Variants in MGA observed in about 807,000 individuals in gnomAD.
MGA encodes the protein MAX gene-associated protein.
MGA carries 40 observed loss-of-function variants against 261.1 expected under a neutral mutation model. The ratio of observed to expected loss-of-function variants is 0.15; its 90% CI spans 0.12 to 0.20. MGA has a LOEUF of 0.20. MGA is among the 10% of genes least tolerant of loss of function. MGA has a pLI of 1.00. For synonymous variants in MGA, 1,302 were observed against 1,290.6 expected, an observed-to-expected ratio of 1.01 and a Z score of -0.19; for missense variants, 3,397 against 3,630.5, an observed-to-expected ratio of 0.94 and a Z score of 1.65.
intron 1 of MGA, among the ~76,000 whole-genome samples, chr15:41,627,158 C>T (rs528708055): frequency 2.2e-4 from 34 of 152,262 alleles, no homozygotes; most frequent in African/African-American, 7.2e-4. Context: ...TCTCCTTGGC[C>T]TCCCAAACTG....
intron 2 of MGA, among the ~76,000 whole-genome samples, chr15:41,680,612 A>G (rs1292114174): frequency 2.6e-5 from 4 of 152,276 alleles, no homozygotes; most frequent in Admixed American, 2.0e-4. Context: ...AAAACACTGT[A>G]TTTAGAATTA....
chr15:41,683,820 A>G (rs1354881231), intron 2 of MGA, among the ~76,000 whole-genome samples: 4 of 152,072 alleles, frequency 2.6e-5, no homozygotes, highest in East Asian at 3.9e-4. Context: ...AGCTCAAGCA[A>G]TCTGCCCGTC....
At chr15:41,715,269 C>T (rs1269242202) in intron 9 of MGA, among the ~76,000 whole-genome samples, 1 of 151,780 alleles carries the variant, frequency 6.6e-6, no homozygotes, top group African/African-American at 2.4e-5. Context: ...TCTGCCTCAG[C>T]CTCCCAAGTA....
At chr15:41,708,388 A>C (rs568450445) in intron 7 of MGA, among the ~76,000 whole-genome samples, 180 bp downstream of exon 7, 1 of 151,584 alleles carries the variant, frequency 6.6e-6, no homozygotes, top group South Asian at 2.1e-4. Context: ...TGTGATCTTG[A>C]CTCACTGCAA....
chr15:41,640,079 G>A (rs528022559), intron 1 of MGA, among the ~76,000 whole-genome samples: 9 of 152,228 alleles, frequency 5.9e-5, no homozygotes, highest in Middle Eastern at 3.4e-3. Context: ...ATCAAGGCAG[G>A]CTTCATGAAA....
intron 14 of MGA, among the ~76,000 whole-genome samples, chr15:41,741,502 TA>T (rs1200430527): frequency 6.6e-6 from 1 of 152,184 alleles, no homozygotes; most frequent in African/African-American, 2.4e-5. Flanking sequence ...CATCTCATAA[TA>T]GCACAGCTGT....
chr15:41,634,960 G>C (rs866162355), intron 1 of MGA, among the ~76,000 whole-genome samples: 7 of 152,136 alleles, frequency 4.6e-5, no homozygotes, highest in African/African-American at 1.4e-4. Context: ...GATGAGAATA[G>C]TTTGAAGTAA....
At position 41,629,753 on chromosome 15, in the gene MGA, A is replaced by G. The variant is rs1195723599; in HGVS notation, c.-68+8455A>G. On this transcript the variant is annotated intron_variant, in intron 1 of 8. Transcript: ENST00000566718. Reference sequence around the variant, plus strand: ...CAAAAAAACAAAACTGAAAACAAAAACATGTAACTGGTTAGGTCAGCTAGG... The same window carrying G: ...CAAAAAAACAAAACTGAAAACAAAAGCATGTAACTGGTTAGGTCAGCTAGG... Among the ~76,000 whole-genome samples, 6 of 152,080 alleles carry G rather than the reference A, an allele frequency of 3.9e-5. No homozygotes were observed. In the East Asian group the frequency reaches 1.2e-3, roughly 29 times the overall value.
upstream of MGA, among the ~76,000 whole-genome samples, chr15:41,656,377 T>TCTCTCTCTCTCTCTCTCTCTCTCTCA (rs1555403733): frequency 9.5e-4 from 65 of 68,208 alleles, 1 homozygote; most frequent in East Asian, 3.8e-3. Context: ...TCTCTCTCTC[T>TCTCTCTCTCTCTCTCTCTCTCTCTCA]CACACCCAGG....
At chr15:41,647,620 C>G (rs1238384463) in intron 1 of MGA, among the ~76,000 whole-genome samples, 2 of 152,018 alleles carry the variant, frequency 1.3e-5, no homozygotes, top group African/African-American at 4.8e-5. Context: ...TTCCTAGATT[C>G]TTTTTTCACC....
intron 1 of MGA, among the ~76,000 whole-genome samples, chr15:41,663,318 T>A (rs1489544942): frequency 2.0e-5 from 3 of 152,110 alleles, no homozygotes; most frequent in East Asian, 1.9e-4. Flanking sequence ...AAAAAAAAAA[T>A]TTGATGTTGA....
At chr15:41,688,160 C>G (rs946888078) in intron 2 of MGA, among the ~76,000 whole-genome samples, 11 of 152,166 alleles carry the variant, frequency 7.2e-5, no homozygotes, top group Admixed American at 5.9e-4. Context: ...ACTGCAACAT[C>G]TGCCTCCCGG....
At chr15:41,668,401 A>G (rs2057876365) in intron 1 of MGA, among the ~76,000 whole-genome samples, 1 of 152,178 alleles carries the variant, frequency 6.6e-6, no homozygotes, top group Non-Finnish European at 1.5e-5. Context: ...AACTTTACTT[A>G]TTTAATTTAC....
chr15:41,635,564 C>CA (rs1213737900), intron 1 of MGA, among the ~76,000 whole-genome samples: 2 of 151,896 alleles, frequency 1.3e-5, no homozygotes, highest in East Asian at 3.9e-4. Context: ...AGTACGATGG[C>CA]ATGTGCCTGT....
chr15:41,642,547 G>A (rs2150638219), intron 1 of MGA, among the ~76,000 whole-genome samples: 1 of 152,040 alleles, frequency 6.6e-6, no homozygotes, highest in Non-Finnish European at 1.5e-5. Flanking sequence ...GCAGTGGTGC[G>A]ATCTCAGCTC....
At chr15:41,649,983 C>G (rs2057009195) in intron 1 of MGA, among the ~76,000 whole-genome samples, 1 of 152,128 alleles carries the variant, frequency 6.6e-6, no homozygotes, top group Admixed American at 6.5e-5. Flanking sequence ...GCCCAGCCTT[C>G]CACACCACTT....
chr15:41,702,061 T>A lies in MGA; in HGVS notation c.2188+2902T>A, dbSNP rs1595784870. On this transcript the variant is annotated intron_variant, in intron 5 of 23. Transcript: ENST00000219905. ...TGGGCCAGGCTCGGTGGCTCAAGTC[T>A]GTAATCCCAGCACTTTGAGAGGCCA... 2.6e-5 allele frequency among the ~76,000 whole-genome samples: 4 copies of A among 152,268 alleles called. 1 individual carries two copies. The South Asian group carries it at 8.3e-4, about 32-fold the overall frequency.
intron 2 of MGA, among the ~76,000 whole-genome samples, chr15:41,690,546 T>C (rs2059221961): frequency 6.6e-6 from 1 of 152,162 alleles, no homozygotes. Flanking sequence ...TCTGTATATC[T>C]AGTCTTAATG....
At chr15:41,671,658 C>A (rs2058067425) in intron 2 of MGA, among the ~76,000 whole-genome samples, 1 of 152,132 alleles carries the variant, frequency 6.6e-6, no homozygotes, top group Non-Finnish European at 1.5e-5. Context: ...GTTTTAAACC[C>A]AAGTTCAGCA....
Sources: gnomAD v4.1 joint callset for allele counts (sites outside exome capture counted in the v4.1 genomes callset) on GRCh38, gnomAD v4.1.1 for gene constraint, MANE v1.5 for transcripts, NCBI Gene and HGNC (gene_info 2026-07-23, HGNC 2026-07-21) for gene names.